NADK: variants seen among roughly 807,000 people sequenced by gnomAD.
The protein encoded by NADK is NAD kinase, also known as poly(P)/ATP NAD kinase.
NADK carries 22 observed loss-of-function variants against 49.8 expected under a neutral mutation model. The observed-to-expected ratio is 0.44, with a 90% CI of 0.32 to 0.63. The LOEUF (loss-of-function observed/expected upper bound fraction) is 0.63, where lower values mean the gene tolerates loss of function less well. Among genes scored for constraint, NADK ranks in the 30% least tolerant of loss-of-function variants. The pLI is 0.06. For synonymous variants in NADK, 268 were observed against 253.7 expected (o/e 1.06, Z -0.54); for missense variants, 438 against 609.4 (o/e 0.72, Z 2.96).
Position 1,752,535 on chromosome 1 carries a change from T to C in NADK, c.*369A>G, listed in dbSNP as rs1315052389. ...GAAGGTTTTTGGCTGAGACATTTAT[T>C]ATCAACATTGAAGGACAGGTCGAGT... On this transcript the variant is annotated 3_prime_UTR_variant, in exon 12 of 12. Transcript: ENST00000341426. 5.6e-6 allele frequency: 1 copy of C among 179,042 alleles called. No homozygotes were observed. Among genetic ancestry groups the C allele is most frequent in the Non-Finnish European group, 1.2e-5 (1 of 85,834 alleles). 11.1% of individuals were successfully genotyped at this position (179,042 alleles called of 1,614,324 possible). A position where few individuals can be genotyped will look rare whatever the true frequency, so the allele number is the denominator to read the frequency against.
At chr1:1,773,771 AG>A (rs1646129531) in intron 1 of NADK, among the ~76,000 whole-genome samples, 1 of 149,266 alleles carries the variant, frequency 6.7e-6, no homozygotes, top group African/African-American at 2.5e-5. Flanking sequence ...ACTGAGAGGT[AG>A]GGTCTTGCTC....
At chr1:1,757,339 C>G in intron 3 of NADK, 29 bp from the exon 4 acceptor site, 4 of 1,558,028 alleles carry the variant, frequency 2.6e-6, no homozygotes, top group Non-Finnish European at 3.5e-6. Flanking sequence ...GAGTTCACAC[C>G]AGCTGCGATC....
At chr1:1,763,618 C>CAAA (rs750600587) in intron 2 of NADK, among the ~76,000 whole-genome samples, 818 of 27,454 alleles carry the variant, frequency 0.03, 17 homozygotes, top group African/African-American at 0.058. Flanking sequence ...GACTCCATCT[C>CAAA]AAAAAAAAAA....
intron 3 of NADK, chr1:1,759,679 C>CT: frequency 6.5e-7 from 1 of 1,530,062 alleles, no homozygotes; most frequent in Non-Finnish European, 8.8e-7. Context: ...GGGGCGTGCT[C>CT]CCATGGGGGT....
chr1:1,777,980 G>C (rs967750193), intron 1 of NADK, among the ~76,000 whole-genome samples: 2 of 152,216 alleles, frequency 1.3e-5, no homozygotes, highest in Non-Finnish European at 2.9e-5. Flanking sequence ...CCGAGGACCT[G>C]GCCGCCCAAG....
At chr1:1,756,870 C>A (rs559271234) in intron 4 of NADK, 208 of 804,248 alleles carry the variant, frequency 2.6e-4, no homozygotes, top group South Asian at 9.1e-4. Flanking sequence ...CCGCAACCCC[C>A]ACGCCTGCTC....
intron 1 of NADK, among the ~76,000 whole-genome samples, chr1:1,774,165 A>G (rs61774983): frequency 0.25 from 37,582 of 150,842 alleles, 4,832 homozygotes; most frequent in African/African-American, 0.27. Context: ...GTGTGTGTGT[A>G]TATATATACA....
chr1:1,761,184 G>T (rs994303352), intron 3 of NADK, among the ~76,000 whole-genome samples: 1 of 152,192 alleles, frequency 6.6e-6, no homozygotes, highest in Admixed American at 6.5e-5. Context: ...GTAGAGATGG[G>T]GTTTCACCAT....
rs574216720 is a variant in NADK, at chr1:1,767,841, C to T, written c.-40-2395G>A. Among the ~76,000 whole-genome samples the T allele has an allele frequency of 6.3e-4, 96 of 152,166 alleles. 2 individuals are homozygous for T. The South Asian group carries it at 0.02, about 32-fold the overall frequency. On this transcript the variant is annotated intron_variant, in intron 1 of 11. Transcript: ENST00000341426. Reference sequence around the variant, plus strand: ...CCCCCCAAATTCCTACATTGAAGCCCTAACTTCCAGTGTGGCTGAATATGG... The same window carrying T: ...CCCCCCAAATTCCTACATTGAAGCCTTAACTTCCAGTGTGGCTGAATATGG...
At chr1:1,768,601 C>A (rs1053397233) in intron 1 of NADK, among the ~76,000 whole-genome samples, 31 of 152,122 alleles carry the variant, frequency 2.0e-4, no homozygotes, top group Admixed American at 6.6e-5. Flanking sequence ...CTGTTCCCAC[C>A]CTCACTGGGC....
At chr1:1,756,924 C>T (rs776276464) in intron 4 of NADK, 6 of 813,278 alleles carry the variant, frequency 7.4e-6, no homozygotes, top group South Asian at 6.8e-5. Context: ...TCAGATGTGG[C>T]CCCTTGATCT....
chr1:1,756,352 C>T lies in NADK; in HGVS notation c.500-9G>A, dbSNP rs72634840. 66,156 of 1,613,396 alleles carry T rather than the reference C, an allele frequency of 0.041. 1,562 individuals are homozygous for T. The highest frequency in any genetic ancestry group is 0.059 in the Middle Eastern group (359 of 6,062). The stretch of plus-strand genomic sequence containing the variant: ...GGAAATGTCATCATAATCTAGGAAA[C>T]ACAAAGCAAAACCAAGAAGAGGCTG... On this transcript the variant is annotated splice_polypyrimidine_tract_variant and intron_variant, in intron 5 of 11. Transcript: ENST00000341426.
At chr1:1,775,820 G>C (rs1053259652) in intron 1 of NADK, among the ~76,000 whole-genome samples, 3 of 152,186 alleles carry the variant, frequency 2.0e-5, no homozygotes, top group African/African-American at 7.2e-5. Context: ...ATGAATGCTA[G>C]GACCTTTGCA....
At chr1:1,767,512 C>T (rs924852368) in intron 1 of NADK, among the ~76,000 whole-genome samples, 2 of 152,034 alleles carry the variant, frequency 1.3e-5, no homozygotes, top group African/African-American at 2.4e-5. Flanking sequence ...GAAGAGGGGC[C>T]GTGCACAGAA....
intron 1 of NADK, among the ~76,000 whole-genome samples, chr1:1,773,673 A>G (rs1388750245): frequency 1.5e-5 from 2 of 131,758 alleles, no homozygotes; most frequent in Non-Finnish European, 3.2e-5. Context: ...TAGAAGCTCT[A>G]TTTTGTGTGT....
intron 1 of NADK, among the ~76,000 whole-genome samples, chr1:1,774,787 T>A (rs1646163110): frequency 1.3e-5 from 2 of 152,188 alleles, no homozygotes; most frequent in Non-Finnish European, 2.9e-5. Context: ...TGCATTCAAA[T>A]TCCTCATAGC....
intron 1 of NADK, among the ~76,000 whole-genome samples, chr1:1,771,551 G>A (rs569908772): frequency 9.2e-5 from 14 of 152,222 alleles, no homozygotes; most frequent in Admixed American, 2.0e-4. Flanking sequence ...GAAACAGGAC[G>A]GCCAGCCCAA....
Position 1,753,583 on chromosome 1 carries a change from T to A in NADK, c.1168A>T (p.Ile390Phe). 1 of 1,612,632 alleles carries A rather than the reference T, an allele frequency of 6.2e-7. No homozygotes were observed. The highest frequency in any genetic ancestry group is 8.5e-7 in the Non-Finnish European group (1 of 1,179,468). The change falls in exon 11 of 12, where the codon ATC (isoleucine) becomes TTC (phenylalanine). Residue 390 changes from isoleucine (I) to phenylalanine (F), a missense_variant. Ile to Phe is a conservative substitution (Grantham distance 21). Coordinates refer to ENST00000341426, the MANE Select transcript of NADK (RefSeq NM_023018.5). ...AGCCCACACCTGTCTCCATGGCGGA[T>A]CTCTTGTCTCTTCCGTCCATCAAAG... is the stretch of plus-strand genomic sequence containing the variant. ...VSFDGRKRQE[I>F]RHGDSISITT...
At chr1:1,773,944 G>A (rs974030682) in intron 1 of NADK, among the ~76,000 whole-genome samples, 11 of 151,682 alleles carry the variant, frequency 7.3e-5, no homozygotes, top group African/African-American at 1.2e-4. Flanking sequence ...TACCTTGAAC[G>A]GGCTGACCTT....
Sources: allele counts gnomAD v4.1 joint callset (sites outside exome capture counted in the v4.1 genomes callset), GRCh38; gene constraint gnomAD v4.1.1; transcripts MANE v1.5; gene names NCBI Gene and HGNC (gene_info 2026-07-23, HGNC 2026-07-21).